TPST1: variants seen among roughly 807,000 people sequenced by gnomAD.
The protein encoded by TPST1 is tyrosylprotein sulfotransferase 1.
TPST1 carries 20 observed loss-of-function variants against 34.8 expected under a neutral mutation model. The ratio of observed to expected loss-of-function variants is 0.57; its 90% CI spans 0.40 to 0.84. The LOEUF is 0.84. Ranked by LOEUF, TPST1 falls within the 40% of genes least tolerant of loss-of-function variation. The pLI is 0.00. For missense variants in TPST1, 353 were observed against 455.5 expected (o/e 0.78, Z 2.05); for synonymous variants, 152 against 159.4 (o/e 0.95, Z 0.35).
At chr7:66,329,966 A>G (rs535564610) in intron 3 of TPST1, among the ~76,000 whole-genome samples, 1 of 152,284 alleles carries the variant, frequency 6.6e-6, no homozygotes, top group African/African-American at 2.4e-5. Flanking sequence ...AGGGAAGGAA[A>G]AATAAGGGTT....
chr7:66,354,633 T>C (rs1792547398), intron 4 of TPST1, among the ~76,000 whole-genome samples: 1 of 151,910 alleles, frequency 6.6e-6, no homozygotes, highest in Non-Finnish European at 1.5e-5. Context: ...CACTCCTGCT[T>C]CACAACATAC....
At chr7:66,281,077 C>A (rs761520314) in intron 2 of TPST1, among the ~76,000 whole-genome samples, 1 of 151,994 alleles carries the variant, frequency 6.6e-6, no homozygotes, top group Non-Finnish European at 1.5e-5. Context: ...CTGTGTCTAT[C>A]GAGATGATCA....
At chr7:66,208,243 A>G (rs1584131756) in intron 1 of TPST1, among the ~76,000 whole-genome samples, 1 of 152,218 alleles carries the variant, frequency 6.6e-6, no homozygotes, top group African/African-American at 2.4e-5. Flanking sequence ...AGAAAAAAGC[A>G]GTAAAGAAAC....
chr7:66,244,774 A>G (rs1790113672), intron 2 of TPST1, among the ~76,000 whole-genome samples: 1 of 152,252 alleles, frequency 6.6e-6, no homozygotes, highest in Admixed American at 6.5e-5. Flanking sequence ...AAATCCAGAA[A>G]AGCAGATTAA....
chr7:66,206,557 T>G (rs1004500046), intron 1 of TPST1, among the ~76,000 whole-genome samples: 1 of 152,222 alleles, frequency 6.6e-6, no homozygotes, highest in Non-Finnish European at 1.5e-5. Flanking sequence ...GAAACAATTC[T>G]GCTATCCGTG....
At chr7:66,207,510 G>A (rs1720401199) in intron 1 of TPST1, among the ~76,000 whole-genome samples, 1 of 152,128 alleles carries the variant, frequency 6.6e-6, no homozygotes. Flanking sequence ...TACATCCTCA[G>A]GTTTCCACCA....
chr7:66,277,643 A>G (rs908004092), intron 2 of TPST1, among the ~76,000 whole-genome samples: 8 of 152,110 alleles, frequency 5.3e-5, no homozygotes, highest in Non-Finnish European at 1.2e-4. Flanking sequence ...AAATCAGGAA[A>G]TCTATTCAAA....
At chr7:66,347,002 A>G (rs985201904) in intron 3 of TPST1, among the ~76,000 whole-genome samples, 7 of 128,886 alleles carry the variant, frequency 5.4e-5, no homozygotes, top group African/African-American at 2.0e-4. Context: ...TGATTTTTGT[A>G]TATGGCAAGA....
chr7:66,309,909 T>A (rs914582169), intron 3 of TPST1, among the ~76,000 whole-genome samples: 50 of 149,428 alleles, frequency 3.3e-4, no homozygotes, highest in Non-Finnish European at 4.0e-4. Flanking sequence ...ACAATTCTTT[T>A]AAAAAAAAAA....
At chr7:66,347,859 A>G (rs1251196548) in intron 3 of TPST1, among the ~76,000 whole-genome samples, 1 of 152,160 alleles carries the variant, frequency 6.6e-6, no homozygotes, top group African/African-American at 2.4e-5. Context: ...TATTAGTTCT[A>G]ATAGTTTTTT....
chr7:66,307,340 G>T (rs532914573), intron 3 of TPST1, among the ~76,000 whole-genome samples: 1 of 150,504 alleles, frequency 6.6e-6, no homozygotes, highest in African/African-American at 2.4e-5. Flanking sequence ...GGATGGTCTC[G>T]ATCTCTTGAC....
chr7:66,234,434 C>G (rs1050029910), intron 1 of TPST1, among the ~76,000 whole-genome samples: 4 of 140,118 alleles, frequency 2.9e-5, no homozygotes, highest in African/African-American at 1.0e-4. Context: ...CACACACAGA[C>G]ACACACACAC....
intron 2 of TPST1, among the ~76,000 whole-genome samples, chr7:66,248,505 T>TG (rs1428240493): frequency 7.5e-5 from 11 of 147,058 alleles, no homozygotes; most frequent in Non-Finnish European, 3.0e-5. Context: ...CATTTAGTGT[T>TG]TTTTTTTTTT....
intron 5 of TPST1, among the ~76,000 whole-genome samples, chr7:66,358,202 T>G (rs1792620931): frequency 2.0e-5 from 3 of 151,886 alleles, no homozygotes. Flanking sequence ...GAGCCGAGAT[T>G]GCAGCACTGC....
At chr7:66,230,458 T>A (rs1346233438) in intron 1 of TPST1, among the ~76,000 whole-genome samples, 1 of 152,188 alleles carries the variant, frequency 6.6e-6, no homozygotes, top group African/African-American at 2.4e-5. Flanking sequence ...CATTCGGCTG[T>A]GTTCGGAGTT....
intron 1 of TPST1, among the ~76,000 whole-genome samples, chr7:66,237,778 A>T (rs1253044272): frequency 2.0e-5 from 3 of 152,100 alleles, no homozygotes; most frequent in Non-Finnish European, 4.4e-5. Context: ...CACTTATGCG[A>T]TTGTGGGGCT....
At chr7:66,339,889 G>A (rs1014122913) in intron 3 of TPST1, among the ~76,000 whole-genome samples, 1 of 146,118 alleles carries the variant, frequency 6.8e-6, no homozygotes. Flanking sequence ...GGGATGCAAG[G>A]ATGATTCAGC....
At chr7:66,320,894 G>A (rs766529616) in intron 3 of TPST1, among the ~76,000 whole-genome samples, 10 of 152,092 alleles carry the variant, frequency 6.6e-5, no homozygotes, top group East Asian at 1.9e-4. Flanking sequence ...CACCGTGCCC[G>A]GCCTTGTTCA....
At chr7:66,247,606 G>A (rs1434487291) in intron 2 of TPST1, among the ~76,000 whole-genome samples, 3 of 152,180 alleles carry the variant, frequency 2.0e-5, no homozygotes. Flanking sequence ...CATCCAAGAT[G>A]ATCAACAGAT....
Sources: allele counts gnomAD v4.1 joint callset (sites outside exome capture counted in the v4.1 genomes callset), GRCh38; gene constraint gnomAD v4.1.1; transcripts MANE v1.5; gene names NCBI Gene and HGNC (gene_info 2026-07-23, HGNC 2026-07-21).